Variants in PARD3B observed in about 807,000 individuals in gnomAD.
The protein encoded by PARD3B is partitioning defective 3 homolog B.
In PARD3B, 103 loss-of-function variants were observed where a neutral mutation model predicts 130.2. That is an observed-to-expected ratio of 0.79 (90% CI 0.67 to 0.93). PARD3B has a LOEUF of 0.93. Ranked by LOEUF, PARD3B falls within the 40% of genes least tolerant of loss-of-function variation. PARD3B has a pLI of 0.00. For missense variants in PARD3B, 1,609 were observed against 1,499.2 expected, an observed-to-expected ratio of 1.07 and a Z score of -1.21; for synonymous variants, 583 against 553.2, an observed-to-expected ratio of 1.05 and a Z score of -0.76.
intron 2 of PARD3B, among the ~76,000 whole-genome samples, chr2:204,823,710 C>T (rs907861333): frequency 2.6e-5 from 4 of 152,094 alleles, no homozygotes; most frequent in Admixed American, 2.0e-4. Flanking sequence ...AAGGCCAAGG[C>T]GGTTAGATCA....
intron 2 of PARD3B, among the ~76,000 whole-genome samples, chr2:204,796,020 CAT>C (rs1188518612): frequency 2.6e-5 from 4 of 152,082 alleles, no homozygotes; most frequent in Admixed American, 2.6e-4. Context: ...GCATATATGT[CAT>C]TATTTATAAG....
intron 2 of PARD3B, among the ~76,000 whole-genome samples, chr2:204,834,680 AT>A (rs2043963801): frequency 6.6e-6 from 1 of 152,240 alleles, no homozygotes; most frequent in Admixed American, 6.5e-5. Flanking sequence ...TTGAGAATTA[AT>A]AGACTGTAGC....
chr2:204,861,710 T>G (rs2045210535), intron 2 of PARD3B, among the ~76,000 whole-genome samples: 1 of 152,004 alleles, frequency 6.6e-6, no homozygotes, highest in South Asian at 2.1e-4. Flanking sequence ...ATGATCCAGT[T>G]TTTCTCAGTC....
chr2:205,598,485 C>T (rs998610214), intron 22 of PARD3B, among the ~76,000 whole-genome samples: 4 of 152,192 alleles, frequency 2.6e-5, no homozygotes, highest in Middle Eastern at 3.4e-3. Flanking sequence ...TCTTAGAGAC[C>T]TACAAAGAAA....
chr2:205,477,845 G>C (rs987873310), intron 20 of PARD3B, among the ~76,000 whole-genome samples: 1 of 152,158 alleles, frequency 6.6e-6, no homozygotes, highest in African/African-American at 2.4e-5. Flanking sequence ...AAGCTTTTTG[G>C]TTTCTTTAGT....
chr2:204,998,366 G>GTGTGTGTGTGTGTATA (rs1446386896), intron 3 of PARD3B, among the ~76,000 whole-genome samples: 3 of 93,978 alleles, frequency 3.2e-5, no homozygotes, highest in Admixed American at 1.2e-4. Context: ...ATATGTGTGT[G>GTGTGTGTGTGTGTATA]TGTGTGTGTA....
At chr2:205,491,115 A>T (rs2106319620) in intron 20 of PARD3B, among the ~76,000 whole-genome samples, 4 of 152,102 alleles carry the variant, frequency 2.6e-5, no homozygotes, top group Admixed American at 2.6e-4. Context: ...GTTTAATTAG[A>T]TCCCATTTGT....
At chr2:204,727,892 C>T (rs1046077648) in intron 2 of PARD3B, among the ~76,000 whole-genome samples, 1 of 152,076 alleles carries the variant, frequency 6.6e-6, no homozygotes, top group East Asian at 1.9e-4. Context: ...CTGGCCAGAC[C>T]ACTCAGTGGT....
chr2:204,795,653 T>A (rs1028867888), intron 2 of PARD3B, among the ~76,000 whole-genome samples: 8 of 152,208 alleles, frequency 5.3e-5, no homozygotes, highest in Non-Finnish European at 1.0e-4. Flanking sequence ...TCAGGTTAGA[T>A]CATTGGAGAA....
chr2:204,773,150 G>C (rs2041461154), intron 2 of PARD3B, among the ~76,000 whole-genome samples: 1 of 151,718 alleles, frequency 6.6e-6, no homozygotes, highest in Non-Finnish European at 1.5e-5. Flanking sequence ...TTTTTAAAAA[G>C]GGCTTATTGA....
At chr2:204,949,721 T>G (rs1356687976) in intron 2 of PARD3B, among the ~76,000 whole-genome samples, 1 of 152,218 alleles carries the variant, frequency 6.6e-6, no homozygotes, top group Non-Finnish European at 1.5e-5. Flanking sequence ...TTTATAAATT[T>G]GTTGAAAATT....
At chr2:204,715,595 T>C (rs996781718) in intron 2 of PARD3B, among the ~76,000 whole-genome samples, 3 of 152,092 alleles carry the variant, frequency 2.0e-5, no homozygotes, top group African/African-American at 7.2e-5. Flanking sequence ...ACCAAACTTA[T>C]GTGTAAAACA....
At chr2:205,524,504 C>CT (rs1261654021) in intron 21 of PARD3B, among the ~76,000 whole-genome samples, 8 of 152,166 alleles carry the variant, frequency 5.3e-5, no homozygotes, top group Non-Finnish European at 1.2e-4. Flanking sequence ...AAGGGGAGAG[C>CT]TTTCTATGCC....
At chr2:205,279,608 G>A (rs1281140319) in intron 16 of PARD3B, among the ~76,000 whole-genome samples, 1 of 152,114 alleles carries the variant, frequency 6.6e-6, no homozygotes, top group African/African-American at 2.4e-5. Context: ...TTAGACCTTA[G>A]AATCGCCTCT....
intron 18 of PARD3B, among the ~76,000 whole-genome samples, chr2:205,374,450 G>T (rs996266174): frequency 7.2e-5 from 11 of 151,990 alleles, no homozygotes; most frequent in Non-Finnish European, 1.3e-4. Context: ...GGCCAGGCTG[G>T]TCTTGAACCC....
chr2:204,891,222 C>T (rs1469604061), intron 2 of PARD3B, among the ~76,000 whole-genome samples: 1 of 149,962 alleles, frequency 6.7e-6, no homozygotes, highest in African/African-American at 2.5e-5. Flanking sequence ...CTATTAAATA[C>T]CTATACATCG....
At chr2:204,632,277 T>C (rs993344807) in intron 1 of PARD3B, among the ~76,000 whole-genome samples, 3 of 152,176 alleles carry the variant, frequency 2.0e-5, no homozygotes, top group Non-Finnish European at 4.4e-5. Flanking sequence ...TCCTCAGCCA[T>C]GTGGAATTGT....
Position 204,716,708 on chromosome 2 carries a change from C to G in PARD3B, c.222+30426C>G, listed in dbSNP as rs573964095. Among the ~76,000 whole-genome samples the G allele has an allele frequency of 1.6e-4, 24 of 150,756 alleles. No homozygotes were observed. The South Asian group carries it at 5.1e-3, about 32-fold the overall frequency. Reference sequence around the variant, plus strand: ...CGCGATCTCGGCTCACTGCAAGTTCCGCCTCCTGGGTTCACGCCATTCTCC... The same window carrying G: ...CGCGATCTCGGCTCACTGCAAGTTCGGCCTCCTGGGTTCACGCCATTCTCC... On this transcript the variant is annotated intron_variant, in intron 2 of 22. Coordinates refer to ENST00000406610, the MANE Select transcript of PARD3B (RefSeq NM_001302769.2).
intron 2 of PARD3B, among the ~76,000 whole-genome samples, chr2:204,702,370 A>C (rs2037935102): frequency 6.6e-6 from 1 of 152,144 alleles, no homozygotes; most frequent in Non-Finnish European, 1.5e-5. Context: ...TACAGTGTTT[A>C]AGTGTGCTCT....
Sources: gnomAD v4.1 joint callset for allele counts (sites outside exome capture counted in the v4.1 genomes callset) on GRCh38, gnomAD v4.1.1 for gene constraint, MANE v1.5 for transcripts, NCBI Gene and HGNC (gene_info 2026-07-23, HGNC 2026-07-21) for gene names.